Variants in CEP162 observed in about 807,000 individuals in gnomAD.
CEP162 encodes the protein centrosomal protein 162.
A neutral mutation model predicts 169.2 loss-of-function variants in CEP162; 141 were observed. That is an observed-to-expected ratio of 0.83 (90% CI 0.73 to 0.96). The LOEUF is 0.96. Ranked by LOEUF, CEP162 falls within the 40% of genes least tolerant of loss-of-function variation. CEP162 has a pLI of 0.00. For missense variants in CEP162, 1,600 were observed against 1,587.2 expected, an observed-to-expected ratio of 1.01 and a Z score of -0.14; for synonymous variants, 540 against 526.4, an observed-to-expected ratio of 1.03 and a Z score of -0.35.
chr6:84,191,979 T>C (rs761314569), intron 11 of CEP162, among the ~76,000 whole-genome samples: 7 of 152,260 alleles, frequency 4.6e-5, no homozygotes, highest in Non-Finnish European at 1.0e-4. Context: ...GCAAAACCAT[T>C]CTCTTTCTTT....
intron 6 of CEP162, among the ~76,000 whole-genome samples, chr6:84,206,991 C>T (rs1265321336): frequency 6.6e-6 from 1 of 152,192 alleles, no homozygotes; most frequent in Non-Finnish European, 1.5e-5. Flanking sequence ...CACTGGTCAT[C>T]AGAGAAATGC....
intron 7 of CEP162, 114 bp downstream of exon 7, chr6:84,203,867 C>T (rs1231641227): frequency 4.0e-6 from 2 of 495,578 alleles, no homozygotes; most frequent in South Asian, 4.3e-5. Flanking sequence ...TGTAAGTTTA[C>T]AACAATAAGC....
chr6:84,152,554 G>A lies in CEP162; in HGVS notation c.3620C>T (p.Ser1207Phe), dbSNP rs903595196. 5.5e-6 allele frequency: 8 copies of A among 1,460,174 alleles called. No homozygotes were observed. The highest frequency in any genetic ancestry group is 7.3e-6 in the Non-Finnish European group (8 of 1,097,112). The allele number at this position is 1,460,174 out of a possible 1,614,324, so 90.5% of individuals were successfully genotyped here. Residue 1207 changes from serine to phenylalanine, a missense_variant, in exon 23 of 27, where the codon TCC becomes TTC. Ser to Phe is a radical substitution (Grantham distance 155). Coordinates refer to ENST00000403245, the MANE Select transcript of CEP162 (RefSeq NM_014895.4). ...SEAVMNQFEN[S>F]MRRVKEDTAA... The stretch of plus-strand genomic sequence containing the variant: ...TAATTTAACATTTTACCTTCTCATG[G>A]AGTTTTCAAATTGATTCATCACTGC...
Position 84,124,798 on chromosome 6 carries a change from A to AT in CEP162, c.*271dup, listed in dbSNP as rs1250881830. The AT allele has an allele frequency of 2.5e-6, 1 of 401,984 alleles. No individual in the cohort carries two copies. Among genetic ancestry groups the AT allele is most frequent in the African/African-American group, 2.1e-5 (1 of 46,962 alleles). The allele number at this position is 401,984 out of a possible 1,614,324, so 24.9% of individuals were successfully genotyped here. ...GTATGTTCAATTTTCTTTTCTTTCT[A>AT]TTTCTAGCATACAAGTGAGCCCTTC... On this transcript the variant is annotated 3_prime_UTR_variant, in exon 27 of 27. Coordinates refer to ENST00000403245, the MANE Select transcript of CEP162 (RefSeq NM_014895.4).
intron 6 of CEP162, among the ~76,000 whole-genome samples, chr6:84,204,858 T>C (rs549539619): frequency 1.9e-4 from 29 of 151,628 alleles, no homozygotes; most frequent in African/African-American, 6.5e-4. Flanking sequence ...GAGAGAAGAA[T>C]CAAACAGATG....
chr6:84,177,439 T>C (rs2099532866), intron 13 of CEP162, among the ~76,000 whole-genome samples: 1 of 152,228 alleles, frequency 6.6e-6, no homozygotes, highest in Non-Finnish European at 1.5e-5. Flanking sequence ...GGCCTGTATG[T>C]GGCAGGGCTC....
intron 25 of CEP162, among the ~76,000 whole-genome samples, chr6:84,145,948 CT>C (rs758778959): frequency 1.3e-5 from 2 of 152,114 alleles, no homozygotes; most frequent in African/African-American, 2.4e-5. Context: ...AGAAATGCCT[CT>C]TATTAGATCA....
chr6:84,185,354 T>C lies in CEP162; in HGVS notation c.1496A>G (p.Lys499Arg), dbSNP rs753669099. 23 of 1,613,598 alleles carry C rather than the reference T, an allele frequency of 1.4e-5. No homozygotes were observed. The highest frequency in any genetic ancestry group is 1.6e-4 in the Middle Eastern group (1 of 6,084). ...KKARSAPPLL[K>R]RKPQSGLYAS... ...ATATAATCCACTCTGGGGTTTCCTT[T>C]TAAGTAAAGGAGGTGCACTTCTGGC... is the stretch of plus-strand genomic sequence containing the variant. The change falls in exon 13 of 27, where the codon AAA becomes AGA. Residue 499 changes from lysine (K) to arginine (R), a missense_variant. By Grantham distance (26) the Lys-to-Arg change is conservative (BLOSUM62 2). Transcript: ENST00000403245.
At chr6:84,218,606 A>C (rs1015948201) in intron 3 of CEP162, among the ~76,000 whole-genome samples, 1 of 152,226 alleles carries the variant, frequency 6.6e-6, no homozygotes, top group Non-Finnish European at 1.5e-5. Context: ...TGTGTGCTAT[A>C]AATATGAAGA....
At chr6:84,170,644 A>T (rs531994813) in intron 17 of CEP162, among the ~76,000 whole-genome samples, 5 of 152,266 alleles carry the variant, frequency 3.3e-5, no homozygotes, top group African/African-American at 1.2e-4. Flanking sequence ...AACATTCATG[A>T]TACTCATGGG....
rs1393042029 is a variant in CEP162 at position 84,195,034 on chromosome 6, G to A, written c.877C>T (p.His293Tyr). 1.9e-6 allele frequency: 3 copies of A among 1,607,546 alleles called. No homozygotes were observed. Among genetic ancestry groups the A allele is most frequent in the East Asian group, 2.2e-5 (1 of 44,834 alleles). The change falls in exon 10 of 27, where the codon CAT (histidine) becomes TAT (tyrosine). Residue 293 changes from histidine to tyrosine, a missense_variant. Transcript: ENST00000403245. ...GQSSSDVEAL[H>Y]QAYCHIAHSL... ...TGGGCTATATGACAATAAGCTTGATGTAGGGCTTCAACGTCACTACTGCTT... is the reference window on the plus strand; with the variant it reads ...TGGGCTATATGACAATAAGCTTGATATAGGGCTTCAACGTCACTACTGCTT...
intron 6 of CEP162, among the ~76,000 whole-genome samples, chr6:84,208,803 T>C (rs2099548327): frequency 6.6e-6 from 1 of 152,246 alleles, no homozygotes; most frequent in Admixed American, 6.5e-5. Flanking sequence ...AGTAGACATA[T>C]AGTTAAAATC....
At chr6:84,200,193 T>C (rs1334198536) in intron 9 of CEP162, among the ~76,000 whole-genome samples, 1 of 152,158 alleles carries the variant, frequency 6.6e-6, no homozygotes, top group African/African-American at 2.4e-5. Context: ...GAGCTGGCAG[T>C]GAGCCAAGGT....
chr6:84,208,019 A>ATTTT (rs375738078), intron 6 of CEP162, among the ~76,000 whole-genome samples: 25 of 132,866 alleles, frequency 1.9e-4, no homozygotes, highest in African/African-American at 3.1e-4. Flanking sequence ...AGGTTGATTG[A>ATTTT]TTTTTTTTTT....
chr6:84,178,860 T>A (rs1056338754), intron 13 of CEP162, among the ~76,000 whole-genome samples: 2 of 152,144 alleles, frequency 1.3e-5, no homozygotes, highest in African/African-American at 4.8e-5. Flanking sequence ...CCTTCCTGTG[T>A]CCAAGTGTTC....
chr6:84,153,576 C>G (rs1030390864), intron 22 of CEP162, among the ~76,000 whole-genome samples: 1 of 152,156 alleles, frequency 6.6e-6, no homozygotes, highest in African/African-American at 2.4e-5. Flanking sequence ...GGAAACAGCA[C>G]ATTTTCAACC....
chr6:84,178,718 G>A (rs1223567695), intron 13 of CEP162, among the ~76,000 whole-genome samples: 1 of 152,036 alleles, frequency 6.6e-6, no homozygotes, highest in Non-Finnish European at 1.5e-5. Context: ...GTGCAGGTTT[G>A]TTACATATGT....
At chr6:84,153,998 G>C (rs560333077) in intron 22 of CEP162, among the ~76,000 whole-genome samples, 1 of 152,160 alleles carries the variant, frequency 6.6e-6, no homozygotes, top group Non-Finnish European at 1.5e-5. Context: ...GGTCTTGAGA[G>C]ATGACTGTTA....
chr6:84,135,350 G>C (rs1305329424), intron 25 of CEP162, among the ~76,000 whole-genome samples: 2 of 152,168 alleles, frequency 1.3e-5, no homozygotes, highest in African/African-American at 4.8e-5. Context: ...ACTTAAAGGT[G>C]AGTGAAGATG....
Sources: allele counts gnomAD v4.1 joint callset (sites outside exome capture counted in the v4.1 genomes callset), GRCh38; gene constraint gnomAD v4.1.1; transcripts MANE v1.5; gene names NCBI Gene and HGNC (gene_info 2026-07-23, HGNC 2026-07-21).